Variants in SNTG1 observed in about 807,000 individuals in gnomAD.
SNTG1 encodes the protein syntrophin gamma 1, also known as gamma-1-syntrophin.
A neutral mutation model predicts 74.7 loss-of-function variants in SNTG1; 39 were observed. The observed-to-expected ratio is 0.52, with a 90% CI of 0.40 to 0.68. The LOEUF (loss-of-function observed/expected upper bound fraction) is 0.68, where lower values mean the gene tolerates loss of function less well. SNTG1 is among the 30% of genes least tolerant of loss of function. SNTG1 has a pLI of 0.00. For synonymous variants in SNTG1, 254 were observed against 217.1 expected, an observed-to-expected ratio of 1.17 and a Z score of -1.49; for missense variants, 685 against 609.5, an observed-to-expected ratio of 1.12 and a Z score of -1.30.
chr8:50,369,465 G>A (rs904913359), intron 2 of SNTG1, among the ~76,000 whole-genome samples: 1 of 152,000 alleles, frequency 6.6e-6, no homozygotes, highest in Non-Finnish European at 1.5e-5. Flanking sequence ...GGGTGGTAGT[G>A]CATGCCTGTA....
chr8:50,233,540 G>A (rs943201718), intron 2 of SNTG1, among the ~76,000 whole-genome samples: 1 of 151,698 alleles, frequency 6.6e-6, no homozygotes, highest in Non-Finnish European at 1.5e-5. Context: ...AACACCAGAA[G>A]CATGGTCCAT....
intron 13 of SNTG1, among the ~76,000 whole-genome samples, chr8:50,602,969 T>C (rs2094786213): frequency 1.3e-5 from 2 of 151,802 alleles, no homozygotes; most frequent in Admixed American, 1.3e-4. Context: ...CTTTGGAAGT[T>C]TGATTGTTAA....
intron 18 of SNTG1, among the ~76,000 whole-genome samples, chr8:50,783,949 A>T (rs192872819): frequency 1.3e-5 from 2 of 152,338 alleles, no homozygotes; most frequent in East Asian, 3.9e-4. Context: ...TCTTACATAA[A>T]CATTATGTTT....
intron 2 of SNTG1, among the ~76,000 whole-genome samples, chr8:50,183,904 T>TA (rs1036518004): frequency 6.6e-6 from 1 of 152,136 alleles, no homozygotes; most frequent in Admixed American, 6.5e-5. Context: ...GCAGCATTAA[T>TA]AAAAAAATTA....
At chr8:50,387,042 T>G (rs1356443243) in intron 2 of SNTG1, among the ~76,000 whole-genome samples, 5 of 152,110 alleles carry the variant, frequency 3.3e-5, no homozygotes, top group Non-Finnish European at 7.4e-5. Context: ...AAATAAAAAT[T>G]TAGTAGGCTT....
chr8:50,262,881 G>T (rs1217996321), intron 2 of SNTG1, among the ~76,000 whole-genome samples: 1 of 150,992 alleles, frequency 6.6e-6, no homozygotes, highest in Non-Finnish European at 1.5e-5. Context: ...TGGCATTCTG[G>T]AGAAGACAGA....
At chr8:50,635,693 G>A (rs2095034732) in intron 13 of SNTG1, among the ~76,000 whole-genome samples, 1 of 152,162 alleles carries the variant, frequency 6.6e-6, no homozygotes, top group Admixed American at 6.5e-5. Context: ...CTTCAGGGAA[G>A]TGGGCTCCCC....
intron 11 of SNTG1, among the ~76,000 whole-genome samples, chr8:50,541,242 C>CGTGTGTGTGTGTGT (rs1355277110): frequency 2.8e-5 from 3 of 106,356 alleles, no homozygotes; most frequent in African/African-American, 1.2e-4. Context: ...TAAGATTTTA[C>CGTGTGTGTGTGTGT]CTGTGTGTGT....
At chr8:50,520,863 G>A (rs1178178699) in intron 9 of SNTG1, among the ~76,000 whole-genome samples, 1 of 152,116 alleles carries the variant, frequency 6.6e-6, no homozygotes, top group East Asian at 1.9e-4. Context: ...AGATAGGGTG[G>A]CAATTCCTCA....
At chr8:50,227,212 T>C (rs2085373570) in intron 2 of SNTG1, among the ~76,000 whole-genome samples, 1 of 152,068 alleles carries the variant, frequency 6.6e-6, no homozygotes. Flanking sequence ...TACAGACCTA[T>C]AGAAAAAATG....
At chr8:50,632,006 G>T (rs1003096261) in intron 13 of SNTG1, among the ~76,000 whole-genome samples, 1 of 152,082 alleles carries the variant, frequency 6.6e-6, no homozygotes. Flanking sequence ...TATGTTAAGC[G>T]ATTTGTCATT....
intron 2 of SNTG1, among the ~76,000 whole-genome samples, chr8:50,310,228 T>C (rs917564779): frequency 6.6e-6 from 1 of 152,192 alleles, no homozygotes; most frequent in Admixed American, 6.5e-5. Context: ...CCTGGATTAT[T>C]CTCTAGTTTT....
intron 2 of SNTG1, among the ~76,000 whole-genome samples, chr8:50,200,261 AT>A (rs1470393472): frequency 3.9e-5 from 6 of 152,196 alleles, no homozygotes; most frequent in Non-Finnish European, 8.8e-5. Flanking sequence ...CAAGGGTCGC[AT>A]TGAGCAAGTG....
rs190073698 is a variant in SNTG1 at position 50,736,454 on chromosome 8, T to C, written c.1285-15547T>C. 2.6e-3 allele frequency among the ~76,000 whole-genome samples: 389 copies of C among 152,110 alleles called. 2 individuals carry two copies. The highest frequency in any genetic ancestry group is 9.2e-3 in the African/African-American group (380 of 41,516). On this transcript the variant is annotated intron_variant, in intron 17 of 18. Transcript: ENST00000642720. Reference sequence around the variant, plus strand: ...AGTTCTTAGAGATGTACAAAGAAACTTAGACTCCCACACAGTAAGAGTGGA... The same window carrying C: ...AGTTCTTAGAGATGTACAAAGAAACCTAGACTCCCACACAGTAAGAGTGGA...
intron 2 of SNTG1, among the ~76,000 whole-genome samples, chr8:50,324,713 C>G (rs2090668826): frequency 6.6e-6 from 1 of 151,844 alleles, no homozygotes; most frequent in African/African-American, 2.4e-5. Context: ...TTCTCATTTC[C>G]TTGAGAGTGT....
At chr8:50,008,811 A>T (rs189104582) in intron 1 of SNTG1, among the ~76,000 whole-genome samples, 1 of 152,326 alleles carries the variant, frequency 6.6e-6, no homozygotes, top group African/African-American at 2.4e-5. Context: ...TTTTTAAATG[A>T]TTATATTAAG....
intron 1 of SNTG1, among the ~76,000 whole-genome samples, chr8:50,094,421 G>GCAAGT (rs1481992745): frequency 1.3e-5 from 2 of 152,086 alleles, no homozygotes; most frequent in Non-Finnish European, 2.9e-5. Context: ...GAAAATACTT[G>GCAAGT]CAAGTTATAT....
chr8:50,368,601 G>T (rs117228642), intron 2 of SNTG1, among the ~76,000 whole-genome samples: 1 of 152,068 alleles, frequency 6.6e-6, no homozygotes, highest in Non-Finnish European at 1.5e-5. Context: ...TCAAAGATCC[G>T]GCCCGTTTGA....
chr8:50,101,169 C>T (rs10096871), intron 1 of SNTG1, among the ~76,000 whole-genome samples: 99 of 151,932 alleles, frequency 6.5e-4, no homozygotes, highest in African/African-American at 1.8e-3. Flanking sequence ...ATTTTCCTTA[C>T]GCAATCCATC....
Sources: gnomAD v4.1 joint callset for allele counts (sites outside exome capture counted in the v4.1 genomes callset) on GRCh38, gnomAD v4.1.1 for gene constraint, MANE v1.5 for transcripts, NCBI Gene and HGNC (gene_info 2026-07-23, HGNC 2026-07-21) for gene names.